RBFOX1: variants seen among roughly 807,000 people sequenced by gnomAD.
RBFOX1 encodes RNA binding protein fox-1 homolog 1.
A neutral mutation model predicts 57.7 loss-of-function variants in RBFOX1; 8 were observed. The observed-to-expected ratio is 0.14, with a 90% CI of 0.08 to 0.25. The LOEUF is 0.25. Ranked by LOEUF, RBFOX1 falls within the 10% of genes least tolerant of loss-of-function variation. The pLI is 1.00. For missense variants in RBFOX1, 611 were observed against 548.5 expected, an observed-to-expected ratio of 1.11 and a Z score of -1.14; for synonymous variants, 326 against 222.4, an observed-to-expected ratio of 1.47 and a Z score of -4.15.
At chr16:7,367,168 G>C (rs1257721825) in intron 4 of RBFOX1, among the ~76,000 whole-genome samples, 6 of 152,012 alleles carry the variant, frequency 3.9e-5, no homozygotes, top group Non-Finnish European at 1.5e-5. Flanking sequence ...AGGTGGTGTT[G>C]GCAATGACAC....
At chr16:7,384,988 C>T (rs544211941) in intron 4 of RBFOX1, among the ~76,000 whole-genome samples, 7 of 152,224 alleles carry the variant, frequency 4.6e-5, no homozygotes, top group Non-Finnish European at 5.9e-5. Flanking sequence ...AAGCTGAGCT[C>T]GCAATGGCAA....
intron 2 of RBFOX1, among the ~76,000 whole-genome samples, chr16:6,515,337 C>T (rs1363341937): frequency 6.6e-6 from 1 of 152,180 alleles, no homozygotes; most frequent in South Asian, 2.1e-4. Flanking sequence ...ATTGCTTATG[C>T]CAGTCTTCTA....
Position 7,052,057 on chromosome 16 carries a change from G to T in RBFOX1, c.-15G>T, listed in dbSNP as rs1382038033. The stretch of plus-strand genomic sequence containing the variant: ...CCCCTTCATTTTCTTTTCTTTCTAG[G>T]TTTCAAGACAACAGATGAATTGTGA... On this transcript the variant is annotated splice_region_variant and 5_prime_UTR_variant, in exon 4 of 16. Transcript: ENST00000550418. The T allele has an allele frequency of 1.2e-6, 2 of 1,612,164 alleles. No individual in the cohort carries two copies. The highest frequency in any genetic ancestry group is 1.7e-5 in the Admixed American group (1 of 59,792).
At chr16:6,133,862 C>G (rs1389968204) in intron 1 of RBFOX1, among the ~76,000 whole-genome samples, 3 of 152,074 alleles carry the variant, frequency 2.0e-5, no homozygotes, top group Admixed American at 6.6e-5. Context: ...CTTACCTAGT[C>G]TACTTCTAAA....
chr16:7,435,214 T>C lies in RBFOX1; in HGVS notation c.28-82933T>C, dbSNP rs565681728. Among the ~76,000 whole-genome samples, 5 of 152,288 alleles carry C rather than the reference T, an allele frequency of 3.3e-5. No individual in the cohort carries two copies. The East Asian group carries it at 9.7e-4, about 29-fold the overall frequency. On this transcript the variant is annotated intron_variant, in intron 4 of 15. Transcript: ENST00000550418. ...CCCCTTCTGGTCTGTGACTGTTTCTTAGACTCTGCTTGTATTTAACGACCT... is the reference window on the plus strand; with the variant it reads ...CCCCTTCTGGTCTGTGACTGTTTCTCAGACTCTGCTTGTATTTAACGACCT...
rs556033174 is a variant in RBFOX1, at chr16:7,229,077, A to G, written c.27+176979A>G. ...TTAAAAATGGTTAATAGACTCAAGG[A>G]GAAATATAAAGAAGGGAGCACTCTG... is the stretch of plus-strand genomic sequence containing the variant. On this transcript the variant is annotated intron_variant, in intron 4 of 15. Coordinates refer to ENST00000550418, the MANE Select transcript of RBFOX1 (RefSeq NM_018723.4). Among the ~76,000 whole-genome samples the G allele has an allele frequency of 2.0e-5, 3 of 152,316 alleles. No individual in the cohort carries two copies. In the South Asian group the frequency reaches 6.2e-4, roughly 32 times the overall value.
intron 3 of RBFOX1, among the ~76,000 whole-genome samples, chr16:7,045,791 G>A (rs980415407): frequency 2.0e-5 from 3 of 152,020 alleles, no homozygotes. Flanking sequence ...GAGTAGCTGG[G>A]ACTACAGGCG....
intron 3 of RBFOX1, among the ~76,000 whole-genome samples, chr16:6,697,994 C>G (rs1490309999): frequency 2.0e-5 from 3 of 152,194 alleles, no homozygotes; most frequent in Non-Finnish European, 4.4e-5. Context: ...TATGTCTTAA[C>G]TGATCAAACT....
rs1372148979 is a variant in RBFOX1 at position 5,947,769 on chromosome 16, G to A, written c.351+80434G>A. On this transcript the variant is annotated intron_variant, in intron 4 of 19. Coordinates refer to the RBFOX1 transcript ENST00000641259. The surrounding 1 kb of genome is among the most constrained non-coding windows in gnomAD (Gnocchi z 7.2). ...CTTAAGGGGGTGTCTCCACCTAACA[G>A]TGCAAGGATACAGCTGCCCTTGGTA... is the stretch of plus-strand genomic sequence containing the variant. 1.3e-5 allele frequency among the ~76,000 whole-genome samples: 2 copies of A among 152,192 alleles called. No individual in the cohort carries two copies. The highest frequency in any genetic ancestry group is 4.8e-5 in the African/African-American group (2 of 41,442).
At chr16:5,245,358 A>G (rs1300020609) in intron 1 of RBFOX1, among the ~76,000 whole-genome samples, 4 of 151,784 alleles carry the variant, frequency 2.6e-5, no homozygotes, top group Non-Finnish European at 5.9e-5. Context: ...CCAGGGGGCA[A>G]TGTGTGCCAG....
chr16:5,624,724 C>T (rs2048299579), intron 3 of RBFOX1, among the ~76,000 whole-genome samples: 1 of 152,254 alleles, frequency 6.6e-6, no homozygotes, highest in Non-Finnish European at 1.5e-5. Context: ...GGCTTGGACA[C>T]AGCCACCAAT....
At chr16:5,655,451 A>T (rs1050146557) in intron 3 of RBFOX1, among the ~76,000 whole-genome samples, 12 of 152,248 alleles carry the variant, frequency 7.9e-5, no homozygotes, top group Non-Finnish European at 1.6e-4. Context: ...CTGGCAGGAA[A>T]TGACATCTGT....
chr16:7,179,788 G>A lies in RBFOX1; in HGVS notation c.27+127690G>A, dbSNP rs151174297. Among the ~76,000 whole-genome samples, 425 of 152,154 alleles carry A rather than the reference G, an allele frequency of 2.8e-3. 4 individuals carry two copies. The highest frequency in any genetic ancestry group is 9.8e-3 in the African/African-American group (408 of 41,508). ...CTTGCTCTGTCACTCAGTCTGGAATGCAGTGGCATGATCTCGGCTCACTGC... is the reference window on the plus strand; with the variant it reads ...CTTGCTCTGTCACTCAGTCTGGAATACAGTGGCATGATCTCGGCTCACTGC... On this transcript the variant is annotated intron_variant, in intron 4 of 15. Coordinates refer to ENST00000550418, the MANE Select transcript of RBFOX1 (RefSeq NM_018723.4).
At chr16:7,165,198 C>T (rs932882278) in intron 4 of RBFOX1, among the ~76,000 whole-genome samples, 4 of 152,080 alleles carry the variant, frequency 2.6e-5, no homozygotes, top group East Asian at 2.0e-4. Flanking sequence ...ATTAGCAAGA[C>T]AGTCTCTATC....
intron 3 of RBFOX1, among the ~76,000 whole-genome samples, chr16:6,886,022 C>T (rs188476883): frequency 1.3e-5 from 2 of 151,198 alleles, no homozygotes; most frequent in Non-Finnish European, 2.9e-5. Flanking sequence ...AGATTTCATG[C>T]ATCAAGGATA....
chr16:6,029,724 G>T (rs964527933), intron 1 of RBFOX1, among the ~76,000 whole-genome samples: 3 of 135,402 alleles, frequency 2.2e-5, no homozygotes, highest in Non-Finnish European at 3.0e-5. Context: ...AGTGAGCCGA[G>T]ATCGCGCCAC....
chr16:6,388,554 A>G (rs78023873), intron 2 of RBFOX1, among the ~76,000 whole-genome samples: 11,539 of 152,198 alleles, frequency 0.076, 596 homozygotes, highest in Middle Eastern at 0.19. Flanking sequence ...ATATATATAT[A>G]TAATGGAATA....
At chr16:6,584,134 C>G (rs576743458) in intron 2 of RBFOX1, among the ~76,000 whole-genome samples, 1 of 151,802 alleles carries the variant, frequency 6.6e-6, no homozygotes, top group African/African-American at 2.4e-5. Flanking sequence ...CTAATGTATT[C>G]TGTGTTCCTA....
chr16:6,051,044 C>T (rs2095546972), intron 1 of RBFOX1, among the ~76,000 whole-genome samples: 1 of 148,566 alleles, frequency 6.7e-6, no homozygotes, highest in African/African-American at 2.5e-5. Context: ...TGCTACCCCA[C>T]ACCTGAAATA....
Sources: gnomAD v4.1 joint callset for allele counts (sites outside exome capture counted in the v4.1 genomes callset) on GRCh38, gnomAD v4.1.1 for gene constraint, Gnocchi (gnomAD v3.1) non-coding constraint, MANE v1.5 for transcripts, NCBI Gene and HGNC (gene_info 2026-07-23, HGNC 2026-07-21) for gene names.